The following NOS1 variants were observed in gnomAD, a reference collection of about 807,000 sequenced individuals.
NOS1 encodes the protein NOS type I.
Under a neutral mutation model 164.5 loss-of-function variants are expected in NOS1, and 51 were observed. That is an observed-to-expected ratio of 0.31 (90% CI 0.25 to 0.39). The LOEUF is 0.39. Ranked by LOEUF, NOS1 falls within the 10% of genes least tolerant of loss-of-function variation. NOS1 has a pLI of 1.00. For synonymous variants in NOS1, 719 were observed against 745.8 expected (o/e 0.96, Z 0.59); for missense variants, 1,362 against 1,885.6 (o/e 0.72, Z 5.14).
chr12:117,342,820 G>A (rs781270257), intron 1 of NOS1, among the ~76,000 whole-genome samples: 1 of 152,110 alleles, frequency 6.6e-6, no homozygotes, highest in Non-Finnish European at 1.5e-5. Flanking sequence ...GGCCAGAGAT[G>A]AGCAATGATG....
At position 117,212,327 on chromosome 12, in the gene NOS1, G is replaced by A. The variant is rs1414581023; in HGVS notation, c.*2982C>T. The A allele has an allele frequency of 1.0e-6, 1 of 985,130 alleles. No homozygotes were observed. Among genetic ancestry groups the A allele is most frequent in the African/African-American group, 1.7e-5 (1 of 57,180 alleles). 61.0% of individuals were successfully genotyped at this position (985,130 alleles called of 1,614,324 possible). ...GCCCACAGCCATCTGCACCAACAGG[G>A]GCAGAATTAGGATTTGCACTCAGGT... is the stretch of plus-strand genomic sequence containing the variant. On this transcript the variant is annotated 3_prime_UTR_variant, in exon 29 of 29. Transcript: ENST00000317775.
chr12:117,352,010 G>A lies in NOS1; in HGVS notation c.-421+9502C>T, dbSNP rs114417576. Among the ~76,000 whole-genome samples the A allele has an allele frequency of 1.0e-2, 1,514 of 152,132 alleles. 30 individuals carry two copies. Among genetic ancestry groups the A allele is most frequent in the African/African-American group, 0.035 (1,444 of 41,502 alleles). ...ACCTTGGGCAACATGGTGAGACCCC[G>A]TCGCTACAAAAAATTAGCCAGGTGT... On this transcript the variant is annotated intron_variant, in intron 1 of 28. Coordinates refer to ENST00000317775, the MANE Select transcript of NOS1 (RefSeq NM_000620.5).
rs1956574712 is a variant in NOS1, at chr12:117,214,620, C to T, written c.*689G>A. 5 of 985,414 alleles carry T rather than the reference C, an allele frequency of 5.1e-6. No homozygotes were observed. The highest frequency in any genetic ancestry group is 1.7e-5 in the African/African-American group (1 of 57,350). 61.0% of individuals were successfully genotyped at this position (985,414 alleles called of 1,614,324 possible). A position where few individuals can be genotyped will look rare whatever the true frequency, so the allele number is the denominator to read the frequency against. On this transcript the variant is annotated 3_prime_UTR_variant, in exon 29 of 29. Transcript: ENST00000317775. ...CAGCCCCTTTAATCAATTTCCCACT[C>T]CTCTCCCCATGCCCTGAACCCTTTC... is the stretch of plus-strand genomic sequence containing the variant.
At position 117,208,749 on chromosome 12, in the gene NOS1, G is replaced by A; in HGVS notation, c.*6560C>T. 2.0e-6 allele frequency: 2 copies of A among 990,714 alleles called. No individual in the cohort carries two copies. The highest frequency in any genetic ancestry group is 2.4e-6 in the Non-Finnish European group (2 of 837,904). 61.4% of individuals were successfully genotyped at this position (990,714 alleles called of 1,614,324 possible). On this transcript the variant is annotated 3_prime_UTR_variant, in exon 29 of 29. Coordinates refer to ENST00000317775, the MANE Select transcript of NOS1 (RefSeq NM_000620.5). Reference sequence around the variant, plus strand: ...AGGGCTTTTTTTTTTTTTTCCACAGGGTCTCATTCTGTCAACAAGCTGGAG... The same window carrying A: ...AGGGCTTTTTTTTTTTTTTCCACAGAGTCTCATTCTGTCAACAAGCTGGAG...
chr12:117,338,702 TG>T (rs1194738492), intron 1 of NOS1, among the ~76,000 whole-genome samples: 2 of 152,096 alleles, frequency 1.3e-5, no homozygotes, highest in Non-Finnish European at 2.9e-5. Context: ...AAATAAGAAA[TG>T]AACTCCAAGG....
At chr12:117,285,099 T>G in intron 7 of NOS1, 142 bp downstream of exon 7, 1 of 339,202 alleles carries the variant, frequency 2.9e-6, no homozygotes. Context: ...AAAAAAAAGA[T>G]GCCAGGACAC....
intron 1 of NOS1, among the ~76,000 whole-genome samples, chr12:117,337,981 G>A (rs562313139): frequency 3.3e-5 from 5 of 152,190 alleles, no homozygotes; most frequent in African/African-American, 9.6e-5. Context: ...TTGGGAGGCC[G>A]AGGCAGGTGG....
At chr12:117,226,276 A>T (rs1414219613) in intron 24 of NOS1, among the ~76,000 whole-genome samples, 2 of 152,158 alleles carry the variant, frequency 1.3e-5, no homozygotes. Context: ...TTGGGAGGAA[A>T]AGCTCCAATG....
chr12:117,252,727 G>A (rs181537543), intron 17 of NOS1, among the ~76,000 whole-genome samples: 8 of 152,278 alleles, frequency 5.3e-5, no homozygotes, highest in Admixed American at 6.5e-5. Flanking sequence ...GCTTTAAAAC[G>A]TAAAGCCTAT....
Position 117,209,222 on chromosome 12 carries a change from T to A in NOS1, c.*6087A>T. 1 of 985,130 alleles carries A rather than the reference T, an allele frequency of 1.0e-6. No individual in the cohort carries two copies. Among genetic ancestry groups the A allele is most frequent in the South Asian group, 4.7e-5 (1 of 21,270 alleles). The allele number at this position is 985,130 out of a possible 1,614,324, so 61.0% of individuals were successfully genotyped here. A position where few individuals can be genotyped will look rare whatever the true frequency, so the allele number is the denominator to read the frequency against. On this transcript the variant is annotated 3_prime_UTR_variant, in exon 29 of 29. Transcript: ENST00000317775. ...GACCCTGAAGTCCAAGAGAGGGGTGTTGCCCCCTGGGGACATTGGGCAATG... is the reference window on the plus strand; with the variant it reads ...GACCCTGAAGTCCAAGAGAGGGGTGATGCCCCCTGGGGACATTGGGCAATG...
intron 3 of NOS1, among the ~76,000 whole-genome samples, chr12:117,298,435 C>A (rs1324615107): frequency 3.3e-5 from 5 of 152,200 alleles, no homozygotes; most frequent in African/African-American, 9.7e-5. Context: ...CAGGCCAGTA[C>A]TGGTCTGTGG....
chr12:117,309,233 C>T, intron 3 of NOS1: 1 of 502,294 alleles, frequency 2.0e-6, no homozygotes, highest in Non-Finnish European at 2.6e-6. Flanking sequence ...TAATAAAAGT[C>T]TACAGTTGTG....
intron 8 of NOS1, among the ~76,000 whole-genome samples, chr12:117,279,854 T>A (rs375890002): frequency 6.6e-6 from 1 of 152,156 alleles, no homozygotes; most frequent in East Asian, 1.9e-4. Context: ...GAATAACATT[T>A]TCATAAGAAA....
At position 117,227,445 on chromosome 12, in the gene NOS1, G is replaced by A. The variant is rs1056862510; in HGVS notation, c.3602C>T (p.Ser1201Phe). 1 of 1,613,946 alleles carries A rather than the reference G, an allele frequency of 6.2e-7. No homozygotes were observed. The highest frequency in any genetic ancestry group is 8.5e-7 in the Non-Finnish European group (1 of 1,179,984). ...CCTCCGCCCACCTCGAGTGCGGTAG[G>A]AAACGATGGCCACAGTGAGGTGCAC... ...DEVHLTVAIV[S>F]YRTRDGEGPI... Residue 1201 changes from serine to phenylalanine, a missense_variant, in exon 23 of 29, where the codon TCC becomes TTC. Transcript: ENST00000317775.
intron 3 of NOS1, among the ~76,000 whole-genome samples, chr12:117,301,131 A>G (rs1052349130): frequency 6.6e-6 from 1 of 152,002 alleles, no homozygotes; most frequent in Non-Finnish European, 1.5e-5. Flanking sequence ...GATCATACTC[A>G]ATTTCATTTC....
chr12:117,215,520 C>A (rs1956593448), intron 28 of NOS1, among the ~76,000 whole-genome samples, 196 bp from the exon 29 acceptor site: 1 of 151,882 alleles, frequency 6.6e-6, no homozygotes. Flanking sequence ...CACTGCAATC[C>A]CAGCAGGGTT....
intron 2 of NOS1, among the ~76,000 whole-genome samples, chr12:117,327,347 G>C (rs1875304183): frequency 1.3e-5 from 2 of 152,314 alleles, no homozygotes; most frequent in South Asian, 2.1e-4. Context: ...ACTTCCCAAA[G>C]CCTCCTGGCA....
intron 1 of NOS1, among the ~76,000 whole-genome samples, chr12:117,338,517 G>A (rs1875948005): frequency 6.6e-6 from 1 of 151,218 alleles, no homozygotes; most frequent in Non-Finnish European, 1.5e-5. Flanking sequence ...AATGCTAAAT[G>A]ACGAGTTAAT....
At chr12:117,257,607 C>CTTTTTTTTTTTTTTTTTTT (rs151304592) in intron 16 of NOS1, among the ~76,000 whole-genome samples, 3 of 99,122 alleles carry the variant, frequency 3.0e-5, no homozygotes, top group Non-Finnish European at 5.6e-5. Flanking sequence ...TTGATTTTAG[C>CTTTTTTTTTTTTTTTTTTT]TTTTTTTTTT....
Sources: allele counts gnomAD v4.1 joint callset (sites outside exome capture counted in the v4.1 genomes callset), GRCh38; gene constraint gnomAD v4.1.1; transcripts MANE v1.5; gene names NCBI Gene and HGNC (gene_info 2026-07-23, HGNC 2026-07-21).